Variants in ICA1L observed in about 807,000 individuals in gnomAD.
ICA1L encodes islet cell autoantigen 1 like.
Under a neutral mutation model 61.3 loss-of-function variants are expected in ICA1L, and 50 were observed. The ratio of observed to expected loss-of-function variants is 0.82; its 90% CI spans 0.65 to 1.03. The LOEUF (loss-of-function observed/expected upper bound fraction) is 1.03. Among genes scored for constraint, ICA1L ranks in the 50% least tolerant of loss-of-function variants. The pLI is 0.00. For missense variants in ICA1L, 508 were observed against 556.7 expected, an observed-to-expected ratio of 0.91 and a Z score of 0.88; for synonymous variants, 161 against 191.3, an observed-to-expected ratio of 0.84 and a Z score of 1.31.
At chr2:202,846,256 C>CT (rs145953471) in intron 1 of ICA1L, among the ~76,000 whole-genome samples, 15 of 147,968 alleles carry the variant, frequency 1.0e-4, no homozygotes, top group African/African-American at 2.5e-4. Context: ...TTCTTTCTTT[C>CT]TTTTTTTTTT....
At position 202,774,614 on chromosome 2, in the gene ICA1L, G is replaced by C. The variant is rs1692162323; in HGVS notation, c.*4919C>G. The C allele has an allele frequency of 7.4e-6, 2 of 271,936 alleles. No individual in the cohort carries two copies. Among genetic ancestry groups the C allele is most frequent in the African/African-American group, 4.5e-5 (2 of 44,508 alleles). 16.8% of individuals were successfully genotyped at this position (271,936 alleles called of 1,614,324 possible). ...TGCATGCTGAGAGGGGGTCACATGG[G>C]AGGGGGCTCAGCCAAGCAGGTGGGG... On this transcript the variant is annotated 3_prime_UTR_variant, in exon 13 of 13. Coordinates refer to ENST00000358299, the MANE Select transcript of ICA1L (RefSeq NM_001288622.3).
rs1414750821 is a variant in ICA1L at position 202,789,200 on chromosome 2, TAAAC to T, written c.986-117_986-114del. On this transcript the variant is annotated intron_variant, in intron 10 of 12. Coordinates refer to ENST00000358299, the MANE Select transcript of ICA1L (RefSeq NM_001288622.3). ...TTTTCATACTGTATTAACATAATTT[TAAAC>T]AAACAACTAAAGTGACTGGAAGTTT... 4.1e-5 allele frequency: 36 copies of T among 878,936 alleles called. 1 individual carries two copies. In the South Asian group the frequency reaches 4.9e-4, roughly 12 times the overall value. 54.4% of individuals were successfully genotyped at this position (878,936 alleles called of 1,614,324 possible).
intron 1 of ICA1L, among the ~76,000 whole-genome samples, chr2:202,836,748 A>AT (rs1282256540): frequency 8.0e-6 from 1 of 125,536 alleles, no homozygotes; most frequent in African/African-American, 2.8e-5. Context: ...GTGTCTAGGA[A>AT]TTTACCCATT....
At chr2:202,805,315 G>A (rs1475646570) in intron 9 of ICA1L, among the ~76,000 whole-genome samples, 5 of 152,164 alleles carry the variant, frequency 3.3e-5, no homozygotes, top group African/African-American at 1.2e-4. Context: ...AAAAATCACT[G>A]ACTTATACAC....
intron 1 of ICA1L, among the ~76,000 whole-genome samples, chr2:202,838,553 A>C (rs1043580815): frequency 6.6e-6 from 1 of 152,164 alleles, no homozygotes; most frequent in Non-Finnish European, 1.5e-5. Flanking sequence ...ATTGCTATCT[A>C]TCTCTTCAGA....
intron 10 of ICA1L, among the ~76,000 whole-genome samples, chr2:202,794,532 G>C (rs1418859170): frequency 1.3e-5 from 2 of 151,990 alleles, no homozygotes; most frequent in Non-Finnish European, 2.9e-5. Flanking sequence ...TTGTTCTGAA[G>C]GTAGTAGCCA....
At chr2:202,818,519 T>C (rs1294123938) in intron 5 of ICA1L, among the ~76,000 whole-genome samples, 1 of 152,130 alleles carries the variant, frequency 6.6e-6, no homozygotes, top group Non-Finnish European at 1.5e-5. Context: ...GTATTTGATG[T>C]GGTTTGGCTG....
intron 10 of ICA1L, among the ~76,000 whole-genome samples, chr2:202,792,127 C>T (rs565386419): frequency 3.9e-4 from 59 of 152,230 alleles, no homozygotes; most frequent in African/African-American, 1.4e-3. Flanking sequence ...GAGATCCTGC[C>T]ACTGCACTCT....
intron 9 of ICA1L, among the ~76,000 whole-genome samples, chr2:202,808,366 G>A (rs759139569): frequency 1.2e-4 from 18 of 152,032 alleles, no homozygotes; most frequent in Admixed American, 8.5e-4. Flanking sequence ...GACTCCTTCC[G>A]CATGAGGAAA....
In ICA1L at chr2:202,781,623, T is replaced by TACCCTGAC. The variant is rs575851665; in HGVS notation, c.1334-1983_1334-1976dup. Among the ~76,000 whole-genome samples the TACCCTGAC allele has an allele frequency of 1.0e-3, 154 of 151,036 alleles. 1 individual carries two copies. Among genetic ancestry groups the TACCCTGAC allele is most frequent in the Non-Finnish European group, 9.3e-4 (63 of 67,796 alleles). ...CCTCTGAAGCTCCCCTCATGCCTGA[T>TACCCTGAC]ACCCTGACACCCTTCCAGTCACTAT... On this transcript the variant is annotated intron_variant, in intron 12 of 12. Coordinates refer to ENST00000358299, the MANE Select transcript of ICA1L (RefSeq NM_001288622.3).
At chr2:202,865,962 A>G (rs1340981211) in intron 1 of ICA1L, among the ~76,000 whole-genome samples, 4 of 152,328 alleles carry the variant, frequency 2.6e-5, no homozygotes, top group African/African-American at 7.2e-5. Context: ...CTCATTTTTA[A>G]TAACATCGAA....
At chr2:202,835,475 G>A (rs918712005) in intron 1 of ICA1L, among the ~76,000 whole-genome samples, 4 of 151,340 alleles carry the variant, frequency 2.6e-5, no homozygotes, top group African/African-American at 9.7e-5. Context: ...CAAAGTGCTG[G>A]GATTACAGGC....
chr2:202,856,925 G>A (rs1289806890), intron 1 of ICA1L, among the ~76,000 whole-genome samples: 1 of 152,120 alleles, frequency 6.6e-6, no homozygotes, highest in Non-Finnish European at 1.5e-5. Context: ...AAGTTACAAG[G>A]GATGTGAAGC....
chr2:202,843,679 G>A (rs1182948816), intron 1 of ICA1L, among the ~76,000 whole-genome samples: 1 of 152,226 alleles, frequency 6.6e-6, no homozygotes, highest in African/African-American at 2.4e-5. Context: ...AACAGAATGC[G>A]AGATGCAGAT....
intron 1 of ICA1L, among the ~76,000 whole-genome samples, chr2:202,858,938 C>G (rs1266702999): frequency 6.6e-6 from 1 of 152,184 alleles, no homozygotes; most frequent in Non-Finnish European, 1.5e-5. Context: ...ACACATTTCT[C>G]AGGACGTATC....
At chr2:202,862,934 C>A (rs991563787) in intron 1 of ICA1L, among the ~76,000 whole-genome samples, 1 of 151,792 alleles carries the variant, frequency 6.6e-6, no homozygotes, top group Non-Finnish European at 1.5e-5. Context: ...TAAAAACATA[C>A]CCACAGTTGT....
chr2:202,841,873 T>TTG (rs1173991539), intron 1 of ICA1L: 6 of 272,962 alleles, frequency 2.2e-5, no homozygotes, highest in African/African-American at 1.3e-4. Context: ...TTTTTTTTTT[T>TTG]TTTAGATAGA....
rs760439782 is a variant in ICA1L, at chr2:202,851,855, G to GT, written c.-8+19763dup. On this transcript the variant is annotated intron_variant, in intron 1 of 12. Transcript: ENST00000358299. ...TATCCTTCTCCCACTTTGTGATGGG[G>GT]TTTTTTTTCCTTGTAAATTTGTTTG... is the stretch of plus-strand genomic sequence containing the variant. Among the ~76,000 whole-genome samples the GT allele has an allele frequency of 9.2e-4, 140 of 152,038 alleles. 1 individual carries two copies. The highest frequency in any genetic ancestry group is 1.7e-3 in the Non-Finnish European group (114 of 67,956).
chr2:202,835,614 A>G (rs1024912757), intron 1 of ICA1L, among the ~76,000 whole-genome samples: 2 of 150,466 alleles, frequency 1.3e-5, no homozygotes, highest in African/African-American at 4.9e-5. Context: ...TGGCATGATC[A>G]TGGCTCACTG....
Sources: allele counts gnomAD v4.1 joint callset (sites outside exome capture counted in the v4.1 genomes callset), GRCh38; gene constraint gnomAD v4.1.1; transcripts MANE v1.5; gene names NCBI Gene and HGNC (gene_info 2026-07-23, HGNC 2026-07-21).